EPS15: variants seen among roughly 807,000 people sequenced by gnomAD.
The protein encoded by EPS15 is epidermal growth factor receptor pathway substrate 15.
In EPS15, 72 loss-of-function variants were observed where a neutral mutation model predicts 113.8. That is an observed-to-expected ratio of 0.63 (90% CI 0.52 to 0.77). EPS15 has a LOEUF of 0.77. Among genes scored for constraint, EPS15 ranks in the 30% least tolerant of loss-of-function variants. EPS15 has a pLI of 0.00. For missense variants in EPS15, 1,048 were observed against 1,045.8 expected, an observed-to-expected ratio of 1.00 and a Z score of -0.03; for synonymous variants, 344 against 363.4, an observed-to-expected ratio of 0.95 and a Z score of 0.61.
At chr1:51,366,124 G>C in intron 21 of EPS15, 95 bp from the exon 22 acceptor site, 1 of 779,776 alleles carries the variant, frequency 1.3e-6, no homozygotes, top group Middle Eastern at 2.4e-4. Context: ...CTCAAGAGCA[G>C]TGGTACGATC....
chr1:51,384,710 T>C (rs1237205664), intron 21 of EPS15, among the ~76,000 whole-genome samples: 1 of 152,224 alleles, frequency 6.6e-6, no homozygotes, highest in East Asian at 1.9e-4. Context: ...TTCAAAGCTA[T>C]AGTAATTAAA....
intron 24 of EPS15, among the ~76,000 whole-genome samples, chr1:51,358,489 G>A (rs1462651629): frequency 2.0e-5 from 3 of 152,066 alleles, no homozygotes; most frequent in Non-Finnish European, 4.4e-5. Context: ...CTTCATGAAA[G>A]GATGAAATAA....
intron 8 of EPS15, among the ~76,000 whole-genome samples, chr1:51,451,883 G>A (rs1384171371): frequency 2.0e-5 from 3 of 151,382 alleles, no homozygotes; most frequent in Non-Finnish European, 1.5e-5. Flanking sequence ...AAGCTTGCAT[G>A]TTTCTTAAAT....
At chr1:51,458,591 G>GC (rs1466667157) in intron 8 of EPS15, 1 of 438,718 alleles carries the variant, frequency 2.3e-6, no homozygotes, top group South Asian at 1.6e-5. Context: ...ATAAAAATTA[G>GC]CCGGGGGTGG....
chr1:51,362,000 T>C (rs1646397029), intron 23 of EPS15, among the ~76,000 whole-genome samples: 1 of 152,232 alleles, frequency 6.6e-6, no homozygotes, highest in Admixed American at 6.5e-5. Context: ...ACAATAGTAT[T>C]CTGTCCTATT....
In EPS15 at chr1:51,357,426, A is replaced by ATATT. The variant is rs1443627608; in HGVS notation, c.2545-581_2545-580insAATA. Among the ~76,000 whole-genome samples the ATATT allele has an allele frequency of 3.3e-3, 179 of 53,478 alleles. 1 individual carries two copies. The highest frequency in any genetic ancestry group is 8.2e-3 in the African/African-American group (85 of 10,356). The allele number at this position is 53,478 out of a possible 152,430, so 35.1% of individuals were successfully genotyped here. Reference sequence around the variant, plus strand: ...TATATATATATATATATATATATATATTTTTTTTTTTTAAATGTGATATAT... The same window carrying ATATT: ...TATATATATATATATATATATATATATATTTTTTTTTTTTTTAAATGTGATATAT... On this transcript the variant is annotated intron_variant, in intron 24 of 24. Transcript: ENST00000371733.
chr1:51,491,767 G>A (rs1390377322), intron 1 of EPS15, among the ~76,000 whole-genome samples: 2 of 152,006 alleles, frequency 1.3e-5, no homozygotes, highest in African/African-American at 2.4e-5. Flanking sequence ...AGAGGGTGGG[G>A]AGTCAAGGAA....
chr1:51,406,731 T>C (rs1649169437), intron 15 of EPS15, among the ~76,000 whole-genome samples: 1 of 152,228 alleles, frequency 6.6e-6, no homozygotes, highest in South Asian at 2.1e-4. Context: ...TACCTGTTTA[T>C]TGAGTACCTA....
At chr1:51,386,977 A>G (rs1647096468) in intron 21 of EPS15, among the ~76,000 whole-genome samples, 1 of 152,172 alleles carries the variant, frequency 6.6e-6, no homozygotes, top group Non-Finnish European at 1.5e-5. Context: ...AACGACACAA[A>G]GATACTCCTC....
At chr1:51,437,424 A>C (rs1381750681) in intron 12 of EPS15, among the ~76,000 whole-genome samples, 1 of 151,974 alleles carries the variant, frequency 6.6e-6, no homozygotes, top group African/African-American at 2.4e-5. Context: ...TTCATTATAC[A>C]GTAATTACAA....
At chr1:51,416,746 CTGAA>C in intron 13 of EPS15, among the ~76,000 whole-genome samples, 2 of 151,974 alleles carry the variant, frequency 1.3e-5, no homozygotes, top group South Asian at 4.2e-4. Context: ...TAAAAGTTAT[CTGAA>C]AAGTTAAACC....
At chr1:51,434,244 T>A (rs1400882965) in intron 12 of EPS15, among the ~76,000 whole-genome samples, 2 of 152,204 alleles carry the variant, frequency 1.3e-5, no homozygotes, top group East Asian at 3.8e-4. Flanking sequence ...ATTTGTATGT[T>A]CATGTTCATA....
chr1:51,483,769 G>A (rs1489374794), intron 1 of EPS15, among the ~76,000 whole-genome samples: 1 of 151,074 alleles, frequency 6.6e-6, no homozygotes, highest in Non-Finnish European at 1.5e-5. Flanking sequence ...TCACGCCACT[G>A]CACTCCAGCC....
intron 1 of EPS15, among the ~76,000 whole-genome samples, chr1:51,483,541 CAT>C (rs1309156309): frequency 2.0e-5 from 3 of 151,852 alleles, no homozygotes; most frequent in Non-Finnish European, 2.9e-5. Flanking sequence ...GGCACGGTGG[CAT>C]GTGCCTGTAA....
intron 1 of EPS15, among the ~76,000 whole-genome samples, chr1:51,509,230 C>T (rs1403370607): frequency 6.7e-6 from 1 of 148,500 alleles, no homozygotes; most frequent in Non-Finnish European, 1.5e-5. Context: ...CTGGAAGCAC[C>T]TTTAATGCAT....
intron 1 of EPS15, among the ~76,000 whole-genome samples, chr1:51,508,269 AG>A (rs1298567110): frequency 0.051 from 6,752 of 132,158 alleles, 341 homozygotes; most frequent in African/African-American, 0.13. Flanking sequence ...AGAGAGAGAG[AG>A]AGAAAGAGAG....
At chr1:51,491,703 G>A (rs754949806) in intron 1 of EPS15, among the ~76,000 whole-genome samples, 8 of 152,020 alleles carry the variant, frequency 5.3e-5, no homozygotes, top group East Asian at 1.9e-4. Flanking sequence ...GGTGGAGGGC[G>A]TGGTGGGGCA....
At chr1:51,509,018 G>T (rs193206441) in intron 1 of EPS15, among the ~76,000 whole-genome samples, 1 of 152,036 alleles carries the variant, frequency 6.6e-6, no homozygotes, top group East Asian at 1.9e-4. Context: ...ATTCTCTCAT[G>T]GCACCCCCTT....
intron 5 of EPS15, among the ~76,000 whole-genome samples, chr1:51,466,442 T>A (rs1450678822): frequency 1.3e-5 from 2 of 151,010 alleles, no homozygotes; most frequent in Non-Finnish European, 2.9e-5. Context: ...GCCAACATGG[T>A]GAAAAACCAT....
Sources: gnomAD v4.1 joint callset for allele counts (sites outside exome capture counted in the v4.1 genomes callset) on GRCh38, gnomAD v4.1.1 for gene constraint, MANE v1.5 for transcripts, NCBI Gene and HGNC (gene_info 2026-07-23, HGNC 2026-07-21) for gene names.